The following IMPG1 variants were observed in gnomAD, a reference collection of about 807,000 sequenced individuals.
IMPG1 encodes the protein interphotoreceptor matrix proteoglycan of 150 kDa.
Under a neutral mutation model 92.0 loss-of-function variants are expected in IMPG1, and 85 were observed. The observed-to-expected ratio is 0.92, with a 90% CI of 0.78 to 1.11. IMPG1 has a LOEUF of 1.11. Among genes scored for constraint, IMPG1 ranks in the 50% least tolerant of loss-of-function variants. The pLI is 0.00. For missense variants in IMPG1, 1,022 were observed against 956.0 expected (o/e 1.07, Z -0.91); for synonymous variants, 367 against 334.1 (o/e 1.10, Z -1.08).
At chr6:76,067,401 G>T (rs1268739214) in intron 1 of IMPG1, among the ~76,000 whole-genome samples, 8 of 151,990 alleles carry the variant, frequency 5.3e-5, no homozygotes, top group Non-Finnish European at 1.2e-4. Context: ...AGAAACTTCT[G>T]TGAGCATCTC....
intron 14 of IMPG1, among the ~76,000 whole-genome samples, chr6:75,937,821 C>T (rs773024264): frequency 1.8e-4 from 27 of 152,092 alleles, no homozygotes; most frequent in Admixed American, 5.2e-4. Context: ...CAGTGTTTAC[C>T]ATTTACCGGC....
chr6:76,001,646 G>A (rs1280075418), intron 12 of IMPG1, among the ~76,000 whole-genome samples: 1 of 152,202 alleles, frequency 6.6e-6, no homozygotes, highest in Non-Finnish European at 1.5e-5. Flanking sequence ...GGTGAGCACT[G>A]ATTTGCCAGC....
At chr6:75,993,208 C>T (rs988811899) in intron 12 of IMPG1, among the ~76,000 whole-genome samples, 4 of 152,086 alleles carry the variant, frequency 2.6e-5, no homozygotes, top group Admixed American at 6.6e-5. Flanking sequence ...TTTCAATTTA[C>T]CCCCAAATTT....
intron 2 of IMPG1, among the ~76,000 whole-genome samples, chr6:76,036,079 T>C (rs958060282): frequency 6.6e-6 from 1 of 152,174 alleles, no homozygotes; most frequent in African/African-American, 2.4e-5. Flanking sequence ...CATCTACTTA[T>C]TTATGTAAAG....
chr6:76,047,646 G>A (rs1292964404), intron 1 of IMPG1, among the ~76,000 whole-genome samples: 1 of 152,144 alleles, frequency 6.6e-6, no homozygotes, highest in Non-Finnish European at 1.5e-5. Context: ...CTAGTACAAT[G>A]TTTTGTACAT....
chr6:75,967,168 G>C (rs145890209), intron 12 of IMPG1, among the ~76,000 whole-genome samples: 32 of 151,756 alleles, frequency 2.1e-4, no homozygotes, highest in African/African-American at 6.8e-4. Context: ...ACAAGAGCAA[G>C]ACTTCTTATA....
intron 12 of IMPG1, among the ~76,000 whole-genome samples, chr6:75,982,631 ATG>A (rs567071928): frequency 1.3e-5 from 2 of 151,464 alleles, no homozygotes; most frequent in East Asian, 3.9e-4. Flanking sequence ...GTATATATAT[ATG>A]TGTGTGTATA....
chr6:75,956,891 T>C (rs1782132855), intron 12 of IMPG1, among the ~76,000 whole-genome samples: 1 of 152,094 alleles, frequency 6.6e-6, no homozygotes, highest in South Asian at 2.1e-4. Context: ...AGTTTCCAGG[T>C]AGTTGTATCA....
rs1782380831 is a variant in IMPG1 at position 75,970,142 on chromosome 6, C to T, written c.1292-19048G>A. Among the ~76,000 whole-genome samples, 2 of 152,116 alleles carry T rather than the reference C, an allele frequency of 1.3e-5. 1 individual carries two copies. The highest frequency in any genetic ancestry group is 4.8e-5 in the African/African-American group (2 of 41,416). On this transcript the variant is annotated intron_variant, in intron 12 of 16. Transcript: ENST00000369950. ...ACAAAGGATATTTTAAAAAAATTCT[C>T]CATTTGCCCCAAGCCACTTTATAAA...
chr6:75,967,613 A>G (rs1782328832), intron 12 of IMPG1, among the ~76,000 whole-genome samples: 2 of 152,210 alleles, frequency 1.3e-5, no homozygotes, highest in Non-Finnish European at 2.9e-5. Context: ...AAATGAACGA[A>G]GACACCCCTC....
chr6:75,951,559 C>T (rs1782032103), intron 12 of IMPG1, among the ~76,000 whole-genome samples: 1 of 151,922 alleles, frequency 6.6e-6, no homozygotes, highest in South Asian at 2.1e-4. Context: ...ATTCACTTTC[C>T]AATAATGCAA....
At chr6:75,939,119 G>A (rs113660651) in intron 14 of IMPG1, among the ~76,000 whole-genome samples, 16,329 of 152,222 alleles carry the variant, frequency 0.11, 1,038 homozygotes, top group Middle Eastern at 0.18. Context: ...GATTACAGGC[G>A]TGAGCCACCG....
At position 75,951,031 on chromosome 6, in the gene IMPG1, A is replaced by G. The variant is rs756901997; in HGVS notation, c.1355T>C (p.Met452Thr). 1 of 1,613,736 alleles carries G rather than the reference A, an allele frequency of 6.2e-7. No individual in the cohort carries two copies. The highest frequency in any genetic ancestry group is 1.3e-5 in the African/African-American group (1 of 74,910). The change falls in exon 13 of 17, where the codon ATG (methionine) becomes ACG (threonine). Residue 452 changes from methionine to threonine, a missense_variant. Transcript: ENST00000369950. ...TSLSEAPPFF[M>T]ASSIFSLTDQ... ...AGTCAGAGAGAAGATGCTTGATGCC[A>G]TAAAGAAAGGTGGAGCTTCTGACAG...
chr6:75,926,666 A>G (rs1037854137), intron 15 of IMPG1, among the ~76,000 whole-genome samples: 2 of 152,204 alleles, frequency 1.3e-5, no homozygotes, highest in Non-Finnish European at 2.9e-5. Context: ...TTAGATTTAG[A>G]TTTGCATTTT....
At chr6:75,948,799 T>C (rs1434706873) in intron 13 of IMPG1, among the ~76,000 whole-genome samples, 1 of 152,168 alleles carries the variant, frequency 6.6e-6, no homozygotes, top group African/African-American at 2.4e-5. Context: ...AGGATGGCCA[T>C]GTGACTAGTT....
intron 1 of IMPG1, among the ~76,000 whole-genome samples, chr6:76,069,101 C>T (rs181588791): frequency 9.6e-4 from 146 of 151,924 alleles, no homozygotes; most frequent in South Asian, 4.6e-3. Flanking sequence ...TTGACATAGT[C>T]GACAAAAATA....
intron 12 of IMPG1, among the ~76,000 whole-genome samples, chr6:75,971,996 G>A (rs1562353283): frequency 6.6e-6 from 1 of 151,880 alleles, no homozygotes; most frequent in Non-Finnish European, 1.5e-5. Context: ...ATGACCTTTG[G>A]CACGTATTCA....
chr6:76,057,512 T>G (rs2127597149), intron 1 of IMPG1, among the ~76,000 whole-genome samples: 1 of 152,254 alleles, frequency 6.6e-6, no homozygotes, highest in South Asian at 2.1e-4. Flanking sequence ...AGACAGAGTA[T>G]AAGCACCCCG....
chr6:76,023,883 A>G (rs1336529036), intron 5 of IMPG1, among the ~76,000 whole-genome samples: 3 of 152,198 alleles, frequency 2.0e-5, no homozygotes, highest in African/African-American at 7.2e-5. Context: ...TAGAAATACA[A>G]ATTTCAATTC....
Sources: allele counts gnomAD v4.1 joint callset (sites outside exome capture counted in the v4.1 genomes callset), GRCh38; gene constraint gnomAD v4.1.1; transcripts MANE v1.5; gene names NCBI Gene and HGNC (gene_info 2026-07-23, HGNC 2026-07-21).